The following DNM3 variants were observed in gnomAD, a reference collection of about 807,000 sequenced individuals.
The protein encoded by DNM3 is dynamin 3.
Under a neutral mutation model 101.6 loss-of-function variants are expected in DNM3, and 47 were observed. The observed-to-expected ratio is 0.46, with a 90% CI of 0.37 to 0.59. The LOEUF (loss-of-function observed/expected upper bound fraction) is 0.59, where lower values mean the gene tolerates loss of function less well. DNM3 is among the 20% of genes least tolerant of loss of function. The probability of loss-of-function intolerance (pLI) is 0.00; values close to 1 mark genes in which losing one functional copy is unlikely to be tolerated. For missense variants in DNM3, 849 were observed against 1,085.7 expected (o/e 0.78, Z 3.06); for synonymous variants, 385 against 387.9 (o/e 0.99, Z 0.09).
In DNM3 at chr1:172,281,762, T is replaced by C. The variant is rs191188311; in HGVS notation, c.1770-26966T>C. ...TTAGCTTCTTTGTTTGGCAGTATTA[T>C]ACTTGTTTCTTTCTCACTGAGATAA... On this transcript the variant is annotated intron_variant, in intron 15 of 20. Transcript: ENST00000627582. 3.2e-3 allele frequency among the ~76,000 whole-genome samples: 490 copies of C among 152,250 alleles called. 2 individuals are homozygous for C. The highest frequency in any genetic ancestry group is 0.011 in the African/African-American group (468 of 41,536).
intron 14 of DNM3, among the ~76,000 whole-genome samples, chr1:172,174,630 C>T (rs2059088877): frequency 6.6e-6 from 1 of 151,562 alleles, no homozygotes; most frequent in Non-Finnish European, 1.5e-5. Flanking sequence ...TTTAATATCA[C>T]TTGTTAATTT....
intron 1 of DNM3, among the ~76,000 whole-genome samples, chr1:171,893,210 C>G (rs1157260159): frequency 2.0e-5 from 3 of 152,000 alleles, no homozygotes; most frequent in Non-Finnish European, 4.4e-5. Context: ...CCTTTGATGT[C>G]CTTAATTATT....
At chr1:172,285,605 A>G (rs1268136900) in intron 15 of DNM3, among the ~76,000 whole-genome samples, 2 of 152,198 alleles carry the variant, frequency 1.3e-5, no homozygotes, top group South Asian at 4.1e-4. Flanking sequence ...TTTTCCATGT[A>G]ATAAAGGCTC....
rs150571791 is a variant in DNM3, at chr1:172,259,869, G to A, written c.1769+6187G>A. 7.8e-3 allele frequency among the ~76,000 whole-genome samples: 1,179 copies of A among 151,852 alleles called. 12 individuals are homozygous for A. The highest frequency in any genetic ancestry group is 0.051 in the Middle Eastern group (15 of 292). ...TGTGGTTTGTTGGCATTCTGTAGTG[G>A]TTACATTTAAGAATTTTCCCTTCCT... On this transcript the variant is annotated intron_variant, in intron 15 of 20. Transcript: ENST00000627582.
intron 14 of DNM3, among the ~76,000 whole-genome samples, chr1:172,145,554 T>C (rs2057846767): frequency 6.6e-6 from 1 of 152,156 alleles, no homozygotes; most frequent in Non-Finnish European, 1.5e-5. Flanking sequence ...TTCTTTGTCA[T>C]GGCCTCTACA....
chr1:171,989,121 A>AAGCT lies in DNM3; in HGVS notation c.568_571dup (p.Lys191SerfsTer2), dbSNP rs1432291067. 1.2e-6 allele frequency: 2 copies of AAGCT among 1,612,944 alleles called. No individual in the cohort carries two copies. Among genetic ancestry groups the AAGCT allele is most frequent in the Non-Finnish European group, 1.7e-6 (2 of 1,179,316 alleles). On this transcript the variant is annotated frameshift_variant, in exon 4 of 21. Transcript: ENST00000627582. LOFTEE classifies it high-confidence loss of function. Reference sequence around the variant, plus strand: ...TGATCTTGCAAACTCAGATGCGCTGAAGCTAGCTAAAGAAGTTGATCCTCA... The same window carrying AAGCT: ...TGATCTTGCAAACTCAGATGCGCTGAAGCTAGCTAGCTAAAGAAGTTGATCCTCA...
chr1:172,410,202 T>G lies in DNM3; in HGVS notation c.*2361T>G, dbSNP rs781300767. On this transcript the variant is annotated 3_prime_UTR_variant, in exon 21 of 21. Coordinates refer to ENST00000627582, the MANE Select transcript of DNM3 (RefSeq NM_015569.5). Reference sequence around the variant, plus strand: ...GTCATATTATTAGTATGAATCTCATTTCCCAAAGGGTTTGTATTCTGCTAA... The same window carrying G: ...GTCATATTATTAGTATGAATCTCATGTCCCAAAGGGTTTGTATTCTGCTAA... 3.3e-5 allele frequency: 33 copies of G among 985,278 alleles called. No homozygotes were observed. The highest frequency in any genetic ancestry group is 3.4e-5 in the Non-Finnish European group (28 of 829,886). The allele number at this position is 985,278 out of a possible 1,614,324, so 61.0% of individuals were successfully genotyped here. A position where few individuals can be genotyped will look rare whatever the true frequency, so the allele number is the denominator to read the frequency against.
At chr1:171,995,150 G>A (rs1272224691) in intron 4 of DNM3, among the ~76,000 whole-genome samples, 2 of 144,588 alleles carry the variant, frequency 1.4e-5, no homozygotes, top group African/African-American at 5.3e-5. Flanking sequence ...TTGCTGCCCA[G>A]GCTGGAGTGC....
At chr1:172,017,571 C>T (rs1231580855) in intron 4 of DNM3, among the ~76,000 whole-genome samples, 1 of 152,014 alleles carries the variant, frequency 6.6e-6, no homozygotes, top group Non-Finnish European at 1.5e-5. Flanking sequence ...TGTATGATTT[C>T]TGTTCTTTTA....
chr1:171,986,106 C>T (rs1007065851), intron 2 of DNM3, among the ~76,000 whole-genome samples: 3 of 152,126 alleles, frequency 2.0e-5, no homozygotes, highest in Admixed American at 2.0e-4. Context: ...GACAACCTGC[C>T]AGATTTGTTG....
At chr1:172,108,891 TG>T (rs1457620166) in intron 13 of DNM3, among the ~76,000 whole-genome samples, 2 of 152,238 alleles carry the variant, frequency 1.3e-5, no homozygotes, top group Non-Finnish European at 2.9e-5. Flanking sequence ...TACTACCATT[TG>T]TATTGCCTGG....
intron 2 of DNM3, among the ~76,000 whole-genome samples, chr1:171,929,074 G>A (rs1368804209): frequency 6.6e-6 from 1 of 152,214 alleles, no homozygotes; most frequent in Non-Finnish European, 1.5e-5. Context: ...TGGGATTGGA[G>A]ACCTGCTTAG....
intron 2 of DNM3, among the ~76,000 whole-genome samples, chr1:171,927,454 A>C (rs1382398923): frequency 1.3e-5 from 2 of 152,156 alleles, no homozygotes; most frequent in Non-Finnish European, 2.9e-5. Flanking sequence ...TGTGTTCAAA[A>C]ATTATCATCA....
chr1:172,282,917 C>T (rs1408170973), intron 15 of DNM3, among the ~76,000 whole-genome samples: 1 of 152,180 alleles, frequency 6.6e-6, no homozygotes, highest in Non-Finnish European at 1.5e-5. Context: ...CAGGCTTTAC[C>T]TTTGGGTGGG....
At chr1:172,365,386 C>T (rs1251323842) in intron 17 of DNM3, among the ~76,000 whole-genome samples, 4 of 151,824 alleles carry the variant, frequency 2.6e-5, no homozygotes, top group Admixed American at 2.6e-4. Flanking sequence ...TCTATTCTAT[C>T]TACTTTTACA....
chr1:172,322,094 G>A (rs2065744122), intron 16 of DNM3, among the ~76,000 whole-genome samples: 1 of 152,040 alleles, frequency 6.6e-6, no homozygotes, highest in African/African-American at 2.4e-5. Context: ...ATGGTCCCTG[G>A]ATTAGGCATT....
At chr1:172,202,125 G>C (rs1204477219) in intron 14 of DNM3, among the ~76,000 whole-genome samples, 3 of 152,068 alleles carry the variant, frequency 2.0e-5, no homozygotes, top group Non-Finnish European at 4.4e-5. Flanking sequence ...GTATTTACTT[G>C]CCCTGTTCAT....
chr1:172,038,241 C>A, intron 6 of DNM3, 78 bp from the exon 7 acceptor site: 2 of 1,543,588 alleles, frequency 1.3e-6, no homozygotes, highest in Non-Finnish European at 1.8e-6. Context: ...GGAGGCGGAT[C>A]TTTGTCTCAT....
chr1:172,049,568 C>T (rs767053807), intron 10 of DNM3, among the ~76,000 whole-genome samples: 11 of 152,094 alleles, frequency 7.2e-5, no homozygotes, highest in Admixed American at 5.2e-4. Flanking sequence ...GTGCTGAATT[C>T]CTCGGTTCAT....
Sources: allele counts gnomAD v4.1 joint callset (sites outside exome capture counted in the v4.1 genomes callset), GRCh38; gene constraint gnomAD v4.1.1; transcripts MANE v1.5; gene names NCBI Gene and HGNC (gene_info 2026-07-23, HGNC 2026-07-21).